The following SIMC1 variants were observed in gnomAD, a reference collection of about 807,000 sequenced individuals.
SIMC1 encodes SUMO-interacting motif-containing protein 1.
Under a neutral mutation model 82.3 loss-of-function variants are expected in SIMC1, and 55 were observed. The ratio of observed to expected loss-of-function variants is 0.67; its 90% CI spans 0.54 to 0.84. SIMC1 has a LOEUF of 0.84. Among genes scored for constraint, SIMC1 ranks in the 40% least tolerant of loss-of-function variants. SIMC1 has a pLI of 0.00. For missense variants in SIMC1, 915 were observed against 1,107.2 expected (o/e 0.83, Z 2.46); for synonymous variants, 353 against 426.3 (o/e 0.83, Z 2.12).
At chr5:176,298,682 G>A (rs1581271839) in intron 4 of SIMC1, among the ~76,000 whole-genome samples, 1 of 152,130 alleles carries the variant, frequency 6.6e-6, no homozygotes, top group Non-Finnish European at 1.5e-5. Context: ...TTAAGACATT[G>A]ATAATATAAA....
At chr5:176,263,646 A>G (rs944566403) in intron 1 of SIMC1, 23 of 1,111,326 alleles carry the variant, frequency 2.1e-5, no homozygotes, top group Non-Finnish European at 2.6e-5. Context: ...ACCAGGTCCT[A>G]CCTCCAACAT....
At chr5:176,250,680 G>A (rs1055586175) in intron 1 of SIMC1, among the ~76,000 whole-genome samples, 4 of 152,076 alleles carry the variant, frequency 2.6e-5, no homozygotes, top group African/African-American at 4.8e-5. Flanking sequence ...GATAGTTAGC[G>A]CTTCTTGTTG....
chr5:176,297,333 T>C (rs1763857775), intron 4 of SIMC1, among the ~76,000 whole-genome samples: 1 of 151,938 alleles, frequency 6.6e-6, no homozygotes, highest in Admixed American at 6.6e-5. Context: ...AAACCCTGTC[T>C]CTACTAAAAA....
intron 1 of SIMC1, among the ~76,000 whole-genome samples, chr5:176,249,166 C>G (rs1561669780): frequency 2.0e-5 from 3 of 152,050 alleles, no homozygotes; most frequent in Non-Finnish European, 4.4e-5. Flanking sequence ...GGAATCATTT[C>G]AGAAGGAATG....
intron 9 of SIMC1, 99 bp from the exon 10 acceptor site, chr5:176,345,084 A>G: frequency 1.4e-6 from 2 of 1,464,290 alleles, no homozygotes; most frequent in Non-Finnish European, 1.8e-6. Context: ...GTAGCTAGTC[A>G]GCAAGTCTTT....
rs534253173 is a variant in SIMC1 at position 176,271,920 on chromosome 5, A to G, written c.130-17734A>G. ...ATTATACATTAGTATATAATTGTAT[A>G]TTATATTATAATATATACTATTATA... On this transcript the variant is annotated intron_variant, in intron 1 of 9. Coordinates refer to ENST00000429602, the MANE Select transcript of SIMC1 (RefSeq NM_001308195.2). Among the ~76,000 whole-genome samples the G allele has an allele frequency of 6.3e-4, 25 of 39,492 alleles. 1 individual carries two copies. The East Asian group carries it at 0.021, about 33-fold the overall frequency. 25.9% of individuals were successfully genotyped at this position (39,492 alleles called of 152,430 possible). A position where few individuals can be genotyped will look rare whatever the true frequency, so the allele number is the denominator to read the frequency against.
intron 7 of SIMC1, among the ~76,000 whole-genome samples, chr5:176,327,254 C>T (rs931993834): frequency 2.0e-5 from 3 of 152,146 alleles, no homozygotes; most frequent in Admixed American, 6.6e-5. Context: ...TGGCCACTCA[C>T]CCAAATTATG....
At chr5:176,297,751 A>C (rs1481951618) in intron 4 of SIMC1, among the ~76,000 whole-genome samples, 1 of 152,212 alleles carries the variant, frequency 6.6e-6, no homozygotes, top group Non-Finnish European at 1.5e-5. Context: ...AGACATTTCC[A>C]GCTATGCAGG....
In SIMC1 at chr5:176,322,345, G is replaced by A. The variant is rs201575513; in HGVS notation, c.1962G>A (p.Thr654=). ...GLTQPPNGNQ[T]SSGTGILKAS... ...CTCAGCCCCCAAATGGAAATCAAAC[G>A]TCTTCAGGAACAGGAATCTTGAAAG... The change falls in exon 6 of 10, where the codon ACG becomes ACA. Residue 654 remains threonine (T), a synonymous_variant. Coordinates refer to ENST00000429602, the MANE Select transcript of SIMC1 (RefSeq NM_001308195.2). 35 of 1,598,250 alleles carry A rather than the reference G, an allele frequency of 2.2e-5. No homozygotes were observed. In the East Asian group the frequency reaches 5.6e-4, roughly 26 times the overall value.
chr5:176,295,705 C>A (rs1763784639), intron 3 of SIMC1, among the ~76,000 whole-genome samples: 1 of 148,154 alleles, frequency 6.7e-6, no homozygotes, highest in Non-Finnish European at 1.5e-5. Context: ...AGCCTCAGTT[C>A]TGTTTTGGGG....
chr5:176,328,467 G>C (rs1254369394), intron 7 of SIMC1, among the ~76,000 whole-genome samples: 3 of 151,966 alleles, frequency 2.0e-5, no homozygotes, highest in Non-Finnish European at 4.4e-5. Flanking sequence ...ACTTCCCTGA[G>C]TATGCCTTTT....
chr5:176,272,771 C>A (rs1383144819), intron 1 of SIMC1, among the ~76,000 whole-genome samples: 1 of 152,200 alleles, frequency 6.6e-6, no homozygotes, highest in Non-Finnish European at 1.5e-5. Context: ...TAGCAAACGG[C>A]ACACCAGCAG....
intron 1 of SIMC1, among the ~76,000 whole-genome samples, chr5:176,243,130 C>G (rs188039232): frequency 1.3e-5 from 2 of 152,150 alleles, no homozygotes; most frequent in African/African-American, 4.8e-5. Flanking sequence ...AGGCAGTAAA[C>G]AAACTAACAA....
At position 176,313,439 on chromosome 5, in the gene SIMC1, T is replaced by A. The variant is rs1372831650; in HGVS notation, c.1735-252T>A. On this transcript the variant is annotated intron_variant, in intron 4 of 9. Transcript: ENST00000429602. Reference sequence around the variant, plus strand: ...ATTATCTGCAGATGCCTAGATCCTTTGAACAAGTAATAATACTTAAAAAAT... The same window carrying A: ...ATTATCTGCAGATGCCTAGATCCTTAGAACAAGTAATAATACTTAAAAAAT... 3.2e-6 allele frequency: 5 copies of A among 1,548,934 alleles called. No homozygotes were observed. In the South Asian group the frequency reaches 6.0e-5, roughly 18 times the overall value.
intron 1 of SIMC1, among the ~76,000 whole-genome samples, chr5:176,279,305 G>A (rs1462276700): frequency 6.6e-6 from 1 of 152,092 alleles, no homozygotes; most frequent in Non-Finnish European, 1.5e-5. Flanking sequence ...TGTTTCTGTG[G>A]GATTGGTGGT....
At chr5:176,306,729 G>C (rs1231121405) in intron 4 of SIMC1, among the ~76,000 whole-genome samples, 1 of 151,120 alleles carries the variant, frequency 6.6e-6, no homozygotes, top group African/African-American at 2.4e-5. Flanking sequence ...CTCGTTAAGA[G>C]TCATCACCAA....
chr5:176,330,001 T>C (rs1285012361), intron 7 of SIMC1, among the ~76,000 whole-genome samples: 1 of 152,198 alleles, frequency 6.6e-6, no homozygotes, highest in African/African-American at 2.4e-5. Context: ...TTCATACATA[T>C]GTTTCCTACC....
intron 1 of SIMC1, chr5:176,263,415 AG>A (rs1762082099): frequency 6.5e-7 from 1 of 1,538,160 alleles, no homozygotes; most frequent in South Asian, 1.3e-5. Flanking sequence ...ATAATTCTGC[AG>A]GCTGAACAAG....
In SIMC1 at chr5:176,337,151, G is replaced by A. The variant is rs1276020763; in HGVS notation, c.2413+5G>A. ...GTTATCAACATGTTTTAAGAGGTAA[G>A]GAGCATTTGTTCACAAGTGGAGTAG... On this transcript the variant is annotated splice_donor_5th_base_variant and intron_variant, in intron 9 of 9. Coordinates refer to ENST00000429602, the MANE Select transcript of SIMC1 (RefSeq NM_001308195.2). The A allele has an allele frequency of 6.2e-7, 1 of 1,613,232 alleles. No homozygotes were observed. The highest frequency in any genetic ancestry group is 8.5e-7 in the Non-Finnish European group (1 of 1,179,304).
Sources: allele counts gnomAD v4.1 joint callset (sites outside exome capture counted in the v4.1 genomes callset), GRCh38; gene constraint gnomAD v4.1.1; transcripts MANE v1.5; gene names NCBI Gene and HGNC (gene_info 2026-07-23, HGNC 2026-07-21).